The following NME4 variants were observed in gnomAD, a reference collection of about 807,000 sequenced individuals.
The protein encoded by NME4 is nucleoside diphosphate kinase D, mitochondrial.
A neutral mutation model predicts 16.4 loss-of-function variants in NME4; 21 were observed. That is an observed-to-expected ratio of 1.28 (90% CI 0.91 to 1.84). The LOEUF (loss-of-function observed/expected upper bound fraction) is 1.84. Ranked by LOEUF, NME4 falls within the 40% of genes most tolerant of loss-of-function variation. The pLI, the probability that NME4 is intolerant of heterozygous loss-of-function variation, is 0.00. For synonymous variants in NME4, 132 were observed against 107.5 expected, an observed-to-expected ratio of 1.23 and a Z score of -1.41; for missense variants, 316 against 261.3, an observed-to-expected ratio of 1.21 and a Z score of -1.44.
intron 1 of NME4, chr16:397,996 C>T: frequency 6.5e-7 from 1 of 1,541,904 alleles, no homozygotes; most frequent in South Asian, 1.2e-5. Context: ...AACAAACCAA[C>T]CAGGGGGTCT....
chr16:398,092 G>A (rs2054586193), intron 1 of NME4: 2 of 1,530,102 alleles, frequency 1.3e-6, no homozygotes, highest in African/African-American at 2.8e-5. Flanking sequence ...AGATTCTGTG[G>A]GACATACAGG....
Position 397,231 on chromosome 16 carries a change from C to T in NME4, c.9C>T (p.Gly3=). 2 of 1,031,132 alleles carry T rather than the reference C, an allele frequency of 1.9e-6. No individual in the cohort carries two copies. The highest frequency in any genetic ancestry group is 1.2e-6 in the Non-Finnish European group (1 of 861,740). 63.9% of individuals were successfully genotyped at this position (1,031,132 alleles called of 1,614,324 possible). The change falls in exon 1 of 5, where the codon GGC becomes GGT. Residue 3 remains glycine, a synonymous_variant. Transcript: ENST00000219479. ...CCCGCGGGCCGGGCGTCATGGGCGGCCTCTTCTGGCGCTCCGCGCTGCGGG... is the reference window on the plus strand; with the variant it reads ...CCCGCGGGCCGGGCGTCATGGGCGGTCTCTTCTGGCGCTCCGCGCTGCGGG... MG[G]LFWRSALRGL...
At chr16:397,796 C>T (rs1305281236) in intron 1 of NME4, 1 of 1,384,362 alleles carries the variant, frequency 7.2e-7, no homozygotes, top group Admixed American at 2.5e-5. Flanking sequence ...CAGAATCTGA[C>T]TGGGACGTCA....
rs750471460 is a variant in NME4, at chr16:400,121, TC to T, written c.441-94del. The T allele has an allele frequency of 2.0e-6, 3 of 1,523,404 alleles. No homozygotes were observed. In the South Asian group the frequency reaches 3.4e-5, roughly 17 times the overall value. 94.4% of individuals were successfully genotyped at this position (1,523,404 alleles called of 1,614,324 possible). On this transcript the variant is annotated intron_variant, in intron 4 of 4. Transcript: ENST00000219479. ...TCCCTGTCTGCAGTCACAGGCTTGCTCCCCTAGACAGAGGGCAACGGGAGCA... is the reference window on the plus strand; with the variant it reads ...TCCCTGTCTGCAGTCACAGGCTTGCTCCCTAGACAGAGGGCAACGGGAGCA...
intron 1 of NME4, chr16:398,438 C>G (rs1014970399): frequency 1.7e-6 from 2 of 1,189,528 alleles, no homozygotes; most frequent in South Asian, 1.5e-5. Context: ...ACCTCAGACA[C>G]AGGGTGGGCT....
At position 399,836 on chromosome 16, in the gene NME4, C is replaced by T. The variant is rs2054621376; in HGVS notation, c.440+97C>T. 3 of 1,044,900 alleles carry T rather than the reference C, an allele frequency of 2.9e-6. No individual in the cohort carries two copies. The East Asian group carries it at 7.3e-5, about 25-fold the overall frequency. 64.7% of individuals were successfully genotyped at this position (1,044,900 alleles called of 1,614,324 possible). A position where few individuals can be genotyped will look rare whatever the true frequency, so the allele number is the denominator to read the frequency against. The stretch of plus-strand genomic sequence containing the variant: ...CACGAGACCTGGCTGTCTTGCTGTG[C>T]TAGGATGAAGCCAGGTCGGACATGA... On this transcript the variant is annotated intron_variant, in intron 4 of 4. Coordinates refer to ENST00000219479, the MANE Select transcript of NME4 (RefSeq NM_005009.3).
In NME4 at chr16:400,231, C is replaced by A. The variant is rs371331590; in HGVS notation, c.453C>A (p.His151Gln). The A allele has an allele frequency of 1.2e-6, 2 of 1,605,338 alleles. No homozygotes were observed. Among genetic ancestry groups the A allele is most frequent in the Non-Finnish European group, 1.7e-6 (2 of 1,174,298 alleles). ...TGTCCTGGCACAGGAATGTCATCCA[C>A]GCCAGCGACTCCGTGGAGGGGGCCC... is the stretch of plus-strand genomic sequence containing the variant. ...FSVHISRNVI[H>Q]ASDSVEGAQR... The change falls in exon 5 of 5, where the codon CAC (histidine) becomes CAA (glutamine). Residue 151 changes from histidine to glutamine, a missense_variant. Transcript: ENST00000219479.
At position 398,001 on chromosome 16, in the gene NME4, G is replaced by C. The variant is rs988536991; in HGVS notation, c.91+688G>C. ...GTTTTGGGGGAACAAACCAACCAGG[G>C]GGTCTTCCTCCCGTGGGCTTCAGCC... On this transcript the variant is annotated intron_variant, in intron 1 of 4. Transcript: ENST00000219479. 4 of 1,541,372 alleles carry C rather than the reference G, an allele frequency of 2.6e-6. No individual in the cohort carries two copies. The African/African-American group carries it at 5.5e-5, about 21-fold the overall frequency.
chr16:397,232 C>G lies in NME4; in HGVS notation c.10C>G (p.Leu4Val). ...CCGCGGGCCGGGCGTCATGGGCGGC[C>G]TCTTCTGGCGCTCCGCGCTGCGGGG... MGG[L>V]FWRSALRGLR... The change falls in exon 1 of 5, where the codon CTC becomes GTC. Residue 4 changes from leucine (L) to valine (V), a missense_variant. Leu to Val is a conservative substitution (Grantham distance 32). Transcript: ENST00000219479. 1.9e-6 allele frequency: 2 copies of G among 1,031,926 alleles called. No individual in the cohort carries two copies. Among genetic ancestry groups the G allele is most frequent in the Non-Finnish European group, 2.3e-6 (2 of 862,252 alleles). 63.9% of individuals were successfully genotyped at this position (1,031,926 alleles called of 1,614,324 possible). A position where few individuals can be genotyped will look rare whatever the true frequency, so the allele number is the denominator to read the frequency against.
At position 400,284 on chromosome 16, in the gene NME4, G is replaced by T. The variant is rs778308477; in HGVS notation, c.506G>T (p.Ser169Ile). 15 of 1,607,028 alleles carry T rather than the reference G, an allele frequency of 9.3e-6. No individual in the cohort carries two copies. Among genetic ancestry groups the T allele is most frequent in the African/African-American group, 1.3e-5 (1 of 74,680 alleles). ...CGGGAGATCCAGCTGTGGTTCCAGA[G>T]CAGTGAGCTGGTGAGCTGGGCAGAC... ...AQREIQLWFQ[S>I]SELVSWADGG... Residue 169 changes from serine to isoleucine, a missense_variant, in exon 5 of 5, where the codon AGC (serine) becomes ATC (isoleucine). Coordinates refer to ENST00000219479, the MANE Select transcript of NME4 (RefSeq NM_005009.3).
chr16:396,955 G>T (rs1597180132), upstream of NME4: 1 of 152,668 alleles, frequency 6.6e-6, no homozygotes, highest in South Asian at 2.1e-4. Context: ...TCCTCCGTGG[G>T]AAAGCGTTAA....
chr16:399,050 G>T lies in NME4; in HGVS notation c.152G>T (p.Arg51Leu), dbSNP rs776318193. The change falls in exon 2 of 5, where the codon CGG becomes CTG. Residue 51 changes from arginine to leucine, a missense_variant. Physicochemically the swap from Arg to Leu is moderately radical, Grantham distance 102 (BLOSUM62 -2). Transcript: ENST00000219479. ...GCGGTGAAGCCCGATGGCGTGCAAC[G>T]GCGGCTCGTTGGGGACGTGATCCAG... ...LVAVKPDGVQ[R>L]RLVGDVIQRF... The T allele has an allele frequency of 1.2e-6, 2 of 1,607,642 alleles. No homozygotes were observed. The highest frequency in any genetic ancestry group is 8.5e-7 in the Non-Finnish European group (1 of 1,179,610).
At chr16:398,906 C>T (rs1340255420) in intron 1 of NME4, 84 bp from the exon 2 acceptor site, 2 of 1,571,950 alleles carry the variant, frequency 1.3e-6, no homozygotes, top group Non-Finnish European at 1.7e-6. Flanking sequence ...AGCCTGGTGA[C>T]CCCTGGGCTC....
At chr16:399,209 G>C in intron 2 of NME4, 86 bp downstream of exon 2, 1 of 1,563,370 alleles carries the variant, frequency 6.4e-7, no homozygotes, top group Non-Finnish European at 8.8e-7. Flanking sequence ...GCCAGCGCCG[G>C]GGCAGGGCCT....
At chr16:398,557 C>T (rs899529595) in intron 1 of NME4, 8 of 510,586 alleles carry the variant, frequency 1.6e-5, no homozygotes, top group African/African-American at 1.4e-4. Flanking sequence ...TCCAGACTTC[C>T]CTGAGGCCAC....
At chr16:397,126 C>A, upstream of NME4, 1 of 274,836 alleles carries the variant, frequency 3.6e-6, no homozygotes, top group Non-Finnish European at 4.9e-6. Flanking sequence ...GGCTCCGGGG[C>A]GGCGGGGGGC....
intron 1 of NME4, chr16:398,289 G>T: frequency 7.3e-7 from 1 of 1,361,002 alleles, no homozygotes; most frequent in Non-Finnish European, 9.7e-7. Context: ...AAACTCCACA[G>T]CAGCACAGGC....
chr16:398,490 G>A (rs2054594680), intron 1 of NME4: 1 of 968,252 alleles, frequency 1.0e-6, no homozygotes, highest in Admixed American at 3.7e-5. Flanking sequence ...TTCAGACCAT[G>A]TCTGTCGTCA....
chr16:399,680 C>A lies in NME4; in HGVS notation c.381C>A (p.Thr127=). ...CCTCGAGGGCCATGATTGGACACAC[C>A]GACTCGGCTGAGGCTGCCCCAGGAA... The part of the protein sequence containing the change: ...VRASRAMIGH[T]DSAEAAPGTI... The change falls in exon 4 of 5, where the codon ACC becomes ACA. Residue 127 remains threonine (T), a synonymous_variant. Coordinates refer to ENST00000219479, the MANE Select transcript of NME4 (RefSeq NM_005009.3). The A allele has an allele frequency of 1.2e-6, 2 of 1,613,138 alleles. No individual in the cohort carries two copies. The highest frequency in any genetic ancestry group is 1.7e-6 in the Non-Finnish European group (2 of 1,179,938).
Sources: gnomAD v4.1 joint callset for allele counts on GRCh38, gnomAD v4.1.1 for gene constraint, MANE v1.5 for transcripts, NCBI Gene and HGNC (gene_info 2026-07-23, HGNC 2026-07-21) for gene names.